Variants in ALS2 observed in about 807,000 individuals in gnomAD.
ALS2 encodes the protein alsin Rho guanine nucleotide exchange factor ALS2.
ALS2 carries 117 observed loss-of-function variants against 203.4 expected under a neutral mutation model. The ratio of observed to expected loss-of-function variants is 0.58; its 90% confidence interval spans 0.50 to 0.67. ALS2 has a LOEUF of 0.67. ALS2 is among the 30% of genes least tolerant of loss of function. The pLI is 0.00. For synonymous variants in ALS2, 718 were observed against 725.9 expected (o/e 0.99, Z 0.17); for missense variants, 1,715 against 1,989.4 (o/e 0.86, Z 2.62).
chr2:201,707,140 G>C lies in ALS2; in HGVS notation c.4404-118C>G, dbSNP rs572627722. The C allele has an allele frequency of 4.8e-3, 4,205 of 884,472 alleles. 17 individuals are homozygous for C. The highest frequency in any genetic ancestry group is 6.9e-3 in the Non-Finnish European group (3,825 of 555,936). The allele number at this position is 884,472 out of a possible 1,614,324, so 54.8% of individuals were successfully genotyped here. On this transcript the variant is annotated intron_variant, in intron 28 of 33. Coordinates refer to ENST00000264276, the MANE Select transcript of ALS2 (RefSeq NM_020919.4). ...AGTAGAGATGGGAAGTTTTAAAGAA[G>C]TTATAATATTACTCTGCTCTTTACA...
At position 201,761,048 on chromosome 2, in the gene ALS2, C is replaced by T. The variant is rs929681791; in HGVS notation, c.946G>A (p.Asp316Asn). ...ACATTTTGTTGAGAGGACATGGCAT[C>T]GCTGCTTGTGATCTGAGCACTTACT... ...NAVSAQITSS[D>N]AMSSQQNVMG... The change falls in exon 4 of 34, where the codon GAT becomes AAT. Residue 316 changes from aspartate (D) to asparagine (N), a missense_variant. By Grantham distance (23) the Asp-to-Asn change is conservative (BLOSUM62 1). This residue lies in a region of ALS2 where 476 missense variants were observed against 539.3 expected (regional missense o/e 0.88). Transcript: ENST00000264276. 5.6e-6 allele frequency: 9 copies of T among 1,614,054 alleles called. No homozygotes were observed. Among genetic ancestry groups the T allele is most frequent in the East Asian group, 4.5e-5 (2 of 44,900 alleles).
intron 3 of ALS2, among the ~76,000 whole-genome samples, chr2:201,764,138 G>A (rs1470786955): frequency 6.6e-6 from 1 of 152,084 alleles, no homozygotes; most frequent in East Asian, 1.9e-4. Context: ...GTATAGTCTG[G>A]TTCAAGAATA....
rs1394019839 is a variant in ALS2 at position 201,707,907 on chromosome 2, A to C, written c.4365T>G (p.Thr1455=). ...PLPTERKSFC[T]GKSDSRSESP... ...ATTCAGATCGGGAATCTGACTTCCC[A>C]GTGCAAAAAGACTTCCTTTCGGTTG... is the stretch of plus-strand genomic sequence containing the variant. The change falls in exon 28 of 34, where the codon ACT becomes ACG. Residue 1455 remains threonine (T), a synonymous_variant. Transcript: ENST00000264276. 1.4e-5 allele frequency: 22 copies of C among 1,613,640 alleles called. No individual in the cohort carries two copies. Among genetic ancestry groups the C allele is most frequent in the Non-Finnish European group, 1.8e-5 (21 of 1,179,682 alleles).
chr2:201,749,938 T>A (rs1692928306), intron 7 of ALS2, 149 bp from the exon 8 acceptor site: 1 of 710,414 alleles, frequency 1.4e-6, no homozygotes, highest in Admixed American at 2.2e-5. Flanking sequence ...TTAACAGATA[T>A]TAAGGAAATT....
chr2:201,709,404 T>G (rs971238156), intron 27 of ALS2, among the ~76,000 whole-genome samples: 1 of 152,232 alleles, frequency 6.6e-6, no homozygotes, highest in African/African-American at 2.4e-5. Context: ...CTTTGTTCAC[T>G]GATAAATCCC....
rs1559053136 is a variant in ALS2, at chr2:201,729,143, C to G, written c.2621G>C (p.Cys874Ser). ...GAGATGGAGAGCAAGACACTCATAA[C>G]AAGAACTGGAATCCTGCAGTTTCTG... ...EYQKLQDSSS[C>S]YECLALHLGR... Residue 874 changes from cysteine to serine, a missense_variant, in exon 14 of 34, where the codon TGT becomes TCT. Around this residue, in one of 3 missense-constraint regions of ALS2, gnomAD observed 1,227 missense variants for 1,413.5 expected, o/e 0.87. Coordinates refer to ENST00000264276, the MANE Select transcript of ALS2 (RefSeq NM_020919.4). 1 of 1,612,218 alleles carries G rather than the reference C, an allele frequency of 6.2e-7. No individual in the cohort carries two copies. The highest frequency in any genetic ancestry group is 1.7e-4 in the Middle Eastern group (1 of 6,056).
At chr2:201,716,424 A>C (rs991119426) in intron 24 of ALS2, among the ~76,000 whole-genome samples, 4 of 151,726 alleles carry the variant, frequency 2.6e-5, no homozygotes, top group African/African-American at 9.7e-5. Context: ...CATGCCTGTA[A>C]TCCCAGCTAC....
At chr2:201,713,136 T>TTCTTTC (rs770250796) in intron 25 of ALS2, among the ~76,000 whole-genome samples, 5 of 101,022 alleles carry the variant, frequency 4.9e-5, no homozygotes, top group African/African-American at 1.4e-4. Flanking sequence ...TTCTTTTCTT[T>TTCTTTC]TTTTTTTTTT....
Position 201,706,535 on chromosome 2 carries a change from T to TTATA in ALS2, c.4580+307_4580+310dup, listed in dbSNP as rs34345642. ...AATACCAGGCAAAATAGCTCACACT[T>TTATA]TATATATATATATATATATAACTAT... is the stretch of plus-strand genomic sequence containing the variant. On this transcript the variant is annotated intron_variant, in intron 29 of 33. Transcript: ENST00000264276. Among the ~76,000 whole-genome samples, 628 of 143,836 alleles carry TTATA rather than the reference T, an allele frequency of 4.4e-3. 5 individuals are homozygous for TTATA. Among genetic ancestry groups the TTATA allele is most frequent in the Non-Finnish European group, 7.6e-3 (507 of 66,328 alleles). 94.4% of individuals were successfully genotyped at this position (143,836 alleles called of 152,430 possible). A position where few individuals can be genotyped will look rare whatever the true frequency, so the allele number is the denominator to read the frequency against.
intron 2 of ALS2, among the ~76,000 whole-genome samples, chr2:201,768,594 G>T (rs1383998126): frequency 6.6e-6 from 1 of 152,120 alleles, no homozygotes; most frequent in Non-Finnish European, 1.5e-5. Context: ...GATTAGCAAG[G>T]CTACTTCTGA....
In ALS2 at chr2:201,704,453, C is replaced by T. The variant is rs1014953504; in HGVS notation, c.4838+1G>A. The T allele has an allele frequency of 4.3e-6, 7 of 1,613,904 alleles. No individual in the cohort carries two copies. The highest frequency in any genetic ancestry group is 1.3e-5 in the African/African-American group (1 of 74,904). On this transcript the variant is annotated splice_donor_variant, in intron 32 of 33. Transcript: ENST00000264276. LOFTEE classifies it high-confidence loss of function. ...TAATAACAAAGTCATAAAACAGTTA[C>T]CTGGCCCGTAGCACCACATATAAGA...
intron 26 of ALS2, among the ~76,000 whole-genome samples, chr2:201,710,444 AAG>A (rs1553501686): frequency 8.6e-5 from 13 of 151,766 alleles, no homozygotes; most frequent in Admixed American, 4.6e-4. Context: ...AAAAAAAAAA[AAG>A]AATACAAAAT....
At chr2:201,722,856 T>C (rs1690895234) in intron 23 of ALS2, 187 bp downstream of exon 23, 5 of 591,498 alleles carry the variant, frequency 8.5e-6, no homozygotes, top group South Asian at 6.5e-5. Context: ...GGGATTTTCT[T>C]GGGCGATGGA....
rs758912284 is a variant in ALS2 at position 201,746,637 on chromosome 2, G to T, written c.1927C>A (p.Pro643Thr). The T allele has an allele frequency of 6.2e-7, 1 of 1,614,080 alleles. No homozygotes were observed. The highest frequency in any genetic ancestry group is 1.7e-5 in the Admixed American group (1 of 60,012). ...PGLYYSGRQD[P>T]TEGDNLPENH... The stretch of plus-strand genomic sequence containing the variant: ...TCTGGAAGGTTGTCACCTTCTGTAG[G>T]GTCCTGTCGGCCACTGTAATATAAC... The change falls in exon 9 of 34, where the codon CCT becomes ACT. Residue 643 changes from proline (P) to threonine (T), a missense_variant. Coordinates refer to ENST00000264276, the MANE Select transcript of ALS2 (RefSeq NM_020919.4).
rs1404476504 is a variant in ALS2, at chr2:201,727,282, A to G, written c.2913-4T>C. 2 of 1,611,892 alleles carry G rather than the reference A, an allele frequency of 1.2e-6. No homozygotes were observed. Among genetic ancestry groups the G allele is most frequent in the African/African-American group, 1.3e-5 (1 of 74,780 alleles). ...TGTAGTTATCTTTAAGCCATTCCTAAAACGTTCACAAGGATAAATACCAGG... is the reference window on the plus strand; with the variant it reads ...TGTAGTTATCTTTAAGCCATTCCTAGAACGTTCACAAGGATAAATACCAGG... On this transcript the variant is annotated splice_polypyrimidine_tract_variant and splice_region_variant and intron_variant, in intron 16 of 33. Coordinates refer to ENST00000264276, the MANE Select transcript of ALS2 (RefSeq NM_020919.4).
At chr2:201,764,864 G>T (rs118043219) in intron 3 of ALS2, among the ~76,000 whole-genome samples, 1 of 152,102 alleles carries the variant, frequency 6.6e-6, no homozygotes, top group Non-Finnish European at 1.5e-5. Flanking sequence ...TTTGGTAACT[G>T]TGACACTTAA....
At chr2:201,766,245 C>T (rs972160410) in intron 3 of ALS2, among the ~76,000 whole-genome samples, 9 of 152,136 alleles carry the variant, frequency 5.9e-5, no homozygotes, top group Non-Finnish European at 1.3e-4. Context: ...AATTTTAAAA[C>T]TATAACTCTC....
intron 8 of ALS2, among the ~76,000 whole-genome samples, chr2:201,748,727 G>A (rs1692831455): frequency 6.6e-6 from 1 of 152,178 alleles, no homozygotes; most frequent in African/African-American, 2.4e-5. Context: ...TCAGATTGGA[G>A]CTAGAAGTAA....
At chr2:201,767,159 A>T in intron 3 of ALS2, 70 bp downstream of exon 3, 1 of 1,593,922 alleles carries the variant, frequency 6.3e-7, no homozygotes, top group Non-Finnish European at 8.6e-7. Flanking sequence ...TGACTCCCAT[A>T]CCTGACCTTC....
Sources: gnomAD v4.1 joint callset for allele counts (sites outside exome capture counted in the v4.1 genomes callset) on GRCh38, gnomAD v4.1.1 for gene constraint, gnomAD v4.1.1 regional missense constraint, MANE v1.5 for transcripts, NCBI Gene and HGNC (gene_info 2026-07-23, HGNC 2026-07-21) for gene names.